Variants in ZNF407 observed in about 807,000 individuals in gnomAD.
The protein encoded by ZNF407 is zinc finger protein 407.
Under a neutral mutation model 131.2 loss-of-function variants are expected in ZNF407, and 17 were observed. The observed-to-expected ratio is 0.13, with a 90% CI of 0.09 to 0.19. ZNF407 has a LOEUF of 0.19. ZNF407 is among the 10% of genes least tolerant of loss of function. The probability of loss-of-function intolerance (pLI) is 1.00; values close to 1 mark genes in which losing one functional copy is unlikely to be tolerated. For synonymous variants in ZNF407, 1,156 were observed against 1,062.0 expected (o/e 1.09, Z -1.72); for missense variants, 2,681 against 2,830.6 (o/e 0.95, Z 1.20).
intron 7 of ZNF407, among the ~76,000 whole-genome samples, chr18:74,907,205 G>A (rs1372568793): frequency 6.6e-6 from 1 of 152,122 alleles, no homozygotes; most frequent in African/African-American, 2.4e-5. Context: ...TGCCCAGATA[G>A]TACACACACC....
intron 8 of ZNF407, among the ~76,000 whole-genome samples, chr18:74,940,104 C>T (rs1471067201): frequency 6.6e-6 from 1 of 152,024 alleles, no homozygotes. Flanking sequence ...TGAAAGATTC[C>T]GAGGATTAGA....
intron 8 of ZNF407, among the ~76,000 whole-genome samples, chr18:74,940,198 G>T (rs1364172255): frequency 6.6e-6 from 1 of 152,216 alleles, no homozygotes; most frequent in African/African-American, 2.4e-5. Flanking sequence ...GGAGCTTGTT[G>T]TAGCCAGAGA....
intron 8 of ZNF407, among the ~76,000 whole-genome samples, chr18:74,974,870 C>T (rs945146886): frequency 5.3e-5 from 8 of 152,114 alleles, no homozygotes; most frequent in Non-Finnish European, 2.9e-5. Flanking sequence ...GAGATTCTTC[C>T]GCTCATCTCC....
chr18:74,657,485 G>T (rs138056050), intron 3 of ZNF407, among the ~76,000 whole-genome samples: 1 of 152,212 alleles, frequency 6.6e-6, no homozygotes, highest in East Asian at 1.9e-4. Context: ...TTGAGCGTGA[G>T]ATTTGATGTG....
intron 3 of ZNF407, among the ~76,000 whole-genome samples, chr18:74,734,083 G>A (rs1389489865): frequency 3.9e-5 from 6 of 152,074 alleles, no homozygotes; most frequent in Non-Finnish European, 7.4e-5. Context: ...TGAAAAGAAC[G>A]ATCTTCCTGC....
chr18:74,977,183 A>G (rs894659217), intron 8 of ZNF407, among the ~76,000 whole-genome samples: 1 of 152,214 alleles, frequency 6.6e-6, no homozygotes, highest in Admixed American at 6.5e-5. Context: ...TCTTTATATG[A>G]CTGTTTATGT....
chr18:74,629,063 G>A (rs1983931660), intron 1 of ZNF407, among the ~76,000 whole-genome samples: 1 of 152,158 alleles, frequency 6.6e-6, no homozygotes, highest in African/African-American at 2.4e-5. Context: ...TCTCTTGGTT[G>A]TGTATACCTC....
At chr18:74,804,377 C>T (rs1470974477) in intron 4 of ZNF407, 2 of 1,029,940 alleles carry the variant, frequency 1.9e-6, no homozygotes, top group Non-Finnish European at 2.3e-6. Context: ...GTAAGCATGC[C>T]ATGTGACAAA....
intron 4 of ZNF407, among the ~76,000 whole-genome samples, chr18:74,803,662 G>A (rs1222907189): frequency 6.6e-6 from 1 of 152,132 alleles, no homozygotes; most frequent in African/African-American, 2.4e-5. Context: ...TAAAGAATGG[G>A]TCAGTCTTAC....
chr18:74,961,972 A>G (rs1972350581), intron 8 of ZNF407, among the ~76,000 whole-genome samples: 1 of 152,198 alleles, frequency 6.6e-6, no homozygotes, highest in Non-Finnish European at 1.5e-5. Flanking sequence ...ACACAGAAAA[A>G]TACGTTCATT....
chr18:75,041,447 ACT>A (rs954738346), intron 8 of ZNF407, among the ~76,000 whole-genome samples: 4 of 151,522 alleles, frequency 2.6e-5, no homozygotes, highest in Admixed American at 6.6e-5. Flanking sequence ...TCACACACAC[ACT>A]CTCTCTCTCA....
At position 74,631,754 on chromosome 18, in the gene ZNF407, C is replaced by T. The variant is rs2144662670; in HGVS notation, c.735C>T (p.Ser245=). Reference sequence around the variant, plus strand: ...CACATGGGCCACAGAAGGTCTTTTCCTGTGATCTTTGTGGTTTTCAGTGTT... The same window carrying T: ...CACATGGGCCACAGAAGGTCTTTTCTTGTGATCTTTGTGGTTTTCAGTGTT... ...KQAHGPQKVF[S]CDLCGFQCSE... is the part of the protein sequence containing the mutation. Residue 245 remains serine (S), a synonymous_variant, in exon 2 of 9, where the codon TCC becomes TCT. Coordinates refer to ENST00000299687, the MANE Select transcript of ZNF407 (RefSeq NM_017757.3). 6.2e-7 allele frequency: 1 copy of T among 1,614,054 alleles called. No homozygotes were observed. The highest frequency in any genetic ancestry group is 1.3e-5 in the African/African-American group (1 of 75,054).
intron 7 of ZNF407, among the ~76,000 whole-genome samples, chr18:74,916,387 GT>G (rs1488401980): frequency 7.8e-6 from 1 of 127,824 alleles, no homozygotes; most frequent in Non-Finnish European, 1.6e-5. Flanking sequence ...TGGTGAGGTT[GT>G]GTGCAGTATT....
intron 4 of ZNF407, among the ~76,000 whole-genome samples, chr18:74,846,231 A>G (rs1235688250): frequency 2.0e-5 from 3 of 152,218 alleles, no homozygotes; most frequent in Non-Finnish European, 4.4e-5. Flanking sequence ...ATCATTTTAT[A>G]TAAAATACAT....
chr18:74,929,597 C>T (rs1284299680), intron 8 of ZNF407, among the ~76,000 whole-genome samples: 1 of 151,888 alleles, frequency 6.6e-6, no homozygotes, highest in East Asian at 1.9e-4. Flanking sequence ...ATTTGCACAC[C>T]CTCACACACA....
At chr18:74,952,668 AAAC>A (rs1361808184) in intron 8 of ZNF407, among the ~76,000 whole-genome samples, 1 of 152,252 alleles carries the variant, frequency 6.6e-6, no homozygotes, top group East Asian at 1.9e-4. Flanking sequence ...GACTTTTAAA[AAAC>A]AGTTTTATTG....
intron 4 of ZNF407, among the ~76,000 whole-genome samples, chr18:74,835,548 T>C (rs1970543250): frequency 6.6e-6 from 1 of 152,108 alleles, no homozygotes; most frequent in Admixed American, 6.5e-5. Context: ...AGTCTAGGAT[T>C]TTATTTGTTA....
At chr18:74,933,005 G>A (rs1159757427) in intron 8 of ZNF407, among the ~76,000 whole-genome samples, 14 of 152,114 alleles carry the variant, frequency 9.2e-5, no homozygotes, top group Admixed American at 8.5e-4. Context: ...AGAATGAAAC[G>A]TAGAATTACC....
At chr18:75,060,507 C>CTT (rs564194650) in intron 8 of ZNF407, among the ~76,000 whole-genome samples, 5,523 of 124,292 alleles carry the variant, frequency 0.044, 376 homozygotes, top group East Asian at 0.24. Context: ...TTCTTTTTTT[C>CTT]TTTTTTTTTT....
Sources: gnomAD v4.1 joint callset for allele counts (sites outside exome capture counted in the v4.1 genomes callset) on GRCh38, gnomAD v4.1.1 for gene constraint, MANE v1.5 for transcripts, NCBI Gene and HGNC (gene_info 2026-07-23, HGNC 2026-07-21) for gene names.